CEP72: variants seen among roughly 807,000 people sequenced by gnomAD.
CEP72 encodes centrosomal protein of 72 kDa.
In CEP72, 78 loss-of-function variants were observed where a neutral mutation model predicts 65.7. The ratio of observed to expected loss-of-function variants is 1.19; its 90% CI spans 0.99 to 1.43. CEP72 has a LOEUF of 1.43. CEP72 is among the 40% of genes most tolerant of loss of function. The pLI is 0.00. For missense variants in CEP72, 914 were observed against 832.9 expected (o/e 1.10, Z -1.20); for synonymous variants, 358 against 351.7 (o/e 1.02, Z -0.20).
At chr5:646,353 C>T (rs1580010704) in intron 10 of CEP72, among the ~76,000 whole-genome samples, 1 of 152,246 alleles carries the variant, frequency 6.6e-6, no homozygotes, top group African/African-American at 2.4e-5. Flanking sequence ...TAGGGATGTT[C>T]TTGCGCCCTA....
downstream of CEP72, chr5:661,282 ACCC>A (rs1199400622): frequency 1.5e-5 from 2 of 129,998 alleles, no homozygotes; most frequent in Admixed American, 7.8e-5. Context: ...TCCTGGTGTC[ACCC>A]CCGACAGAAC....
At chr5:626,602 T>C (rs1233829975) in intron 4 of CEP72, among the ~76,000 whole-genome samples, 2 of 152,202 alleles carry the variant, frequency 1.3e-5, no homozygotes, top group East Asian at 3.9e-4. Context: ...GGAGGATTGC[T>C]TGAGGCCAAG....
chr5:649,652 CTGTGAGGTGTGCCTG>C (rs1373014079), intron 11 of CEP72, among the ~76,000 whole-genome samples: 1 of 83,948 alleles, frequency 1.2e-5, no homozygotes, highest in Admixed American at 1.4e-4. Context: ...TGAGGTGTGA[CTGTGAGGTGTGCCTG>C]TGAGGCGTGG....
intron 11 of CEP72, among the ~76,000 whole-genome samples, chr5:649,936 C>G (rs202181784): frequency 1.5e-4 from 2 of 13,374 alleles, no homozygotes; most frequent in Admixed American, 9.2e-4. Context: ...GACTGTGAGG[C>G]GTGACTGTGA....
rs984328998 is a variant in CEP72, at chr5:623,355, G to A, written c.404-1116G>A. Among the ~76,000 whole-genome samples the A allele has an allele frequency of 1.3e-5, 2 of 152,252 alleles. No homozygotes were observed. Among genetic ancestry groups the A allele is most frequent in the South Asian group, 2.1e-4 (1 of 4,834 alleles). ...GCGTGGTGCCTCCTGGAGTGGGCTCGGTCCTTGGCTCCGCGTGGGTCATGG... is the reference window on the plus strand; with the variant it reads ...GCGTGGTGCCTCCTGGAGTGGGCTCAGTCCTTGGCTCCGCGTGGGTCATGG... On this transcript the variant is annotated intron_variant, in intron 3 of 11. Coordinates refer to ENST00000264935, the MANE Select transcript of CEP72 (RefSeq NM_018140.4). The surrounding 1 kb of genome is among the most constrained non-coding windows in gnomAD (Gnocchi z 5.3).
intron 7 of CEP72, among the ~76,000 whole-genome samples, chr5:638,803 CT>C (rs756291982): frequency 6.6e-6 from 1 of 152,146 alleles, no homozygotes; most frequent in Non-Finnish European, 1.5e-5. Context: ...TTCCGCTTCC[CT>C]GTCTGGGTTG....
chr5:670,949 C>G (rs577781707), downstream of CEP72, among the ~76,000 whole-genome samples: 361 of 152,338 alleles, frequency 2.4e-3, 1 homozygote, highest in Non-Finnish European at 4.1e-3. Flanking sequence ...TTCCTGCACC[C>G]TACTTGGCTC....
At chr5:621,218 G>A (rs768838927) in intron 3 of CEP72, among the ~76,000 whole-genome samples, 4 of 152,146 alleles carry the variant, frequency 2.6e-5, no homozygotes, top group Non-Finnish European at 5.9e-5. Flanking sequence ...ACCGCTGTTC[G>A]AAAGCTGCCC....
chr5:650,321 G>A (rs1580032442), intron 11 of CEP72, among the ~76,000 whole-genome samples: 6 of 128,176 alleles, frequency 4.7e-5, no homozygotes, highest in East Asian at 2.6e-4. Context: ...ACTGTGAGGC[G>A]TGGACTGTGA....
chr5:651,953 C>A (rs572542526), intron 11 of CEP72, among the ~76,000 whole-genome samples: 15 of 152,252 alleles, frequency 9.9e-5, no homozygotes, highest in Admixed American at 7.8e-4. Context: ...AGGCTCTGCC[C>A]CTTACAGGAT....
downstream of CEP72, among the ~76,000 whole-genome samples, chr5:668,353 A>G (rs1425432023): frequency 9.1e-6 from 1 of 109,782 alleles, no homozygotes; most frequent in Non-Finnish European, 1.8e-5. Context: ...GGAAGTGCGG[A>G]CAAGCACACT....
chr5:665,615 C>T, intron 3 of CEP72, among the ~76,000 whole-genome samples: 2 of 125,790 alleles, frequency 1.6e-5, no homozygotes, highest in Admixed American at 7.9e-5. Flanking sequence ...TATGCCCCCC[C>T]AATCCATGCC....
chr5:627,327 C>T (rs745325769), intron 4 of CEP72, among the ~76,000 whole-genome samples: 1 of 152,204 alleles, frequency 6.6e-6, no homozygotes, highest in Non-Finnish European at 1.5e-5. Flanking sequence ...GTGATAACCC[C>T]TCTTTCATGT....
At chr5:616,881 T>A (rs1258190423) in intron 1 of CEP72, among the ~76,000 whole-genome samples, 1 of 150,034 alleles carries the variant, frequency 6.7e-6, no homozygotes, top group Non-Finnish European at 1.5e-5. Context: ...GTGAAGAGAG[T>A]CTGTCCTGCA....
At position 623,386 on chromosome 5, in the gene CEP72, C is replaced by T. The variant is rs533749158; in HGVS notation, c.404-1085C>T. Among the ~76,000 whole-genome samples, 98 of 152,312 alleles carry T rather than the reference C, an allele frequency of 6.4e-4. No homozygotes were observed. Among genetic ancestry groups the T allele is most frequent in the African/African-American group, 2.3e-3 (94 of 41,572 alleles). On this transcript the variant is annotated intron_variant, in intron 3 of 11. Coordinates refer to ENST00000264935, the MANE Select transcript of CEP72 (RefSeq NM_018140.4). The surrounding 1 kb of genome is among the most constrained non-coding windows in gnomAD (Gnocchi z 5.3). ...TGGCTCCGCGTGGGTCATGGAAAGG[C>T]CCCGGTGGTGGAGGAGGCAGATAGC...
At chr5:664,802 C>T (rs1282453739) in intron 2 of CEP72, 2 of 354,098 alleles carry the variant, frequency 5.6e-6, no homozygotes, top group South Asian at 4.5e-5. Flanking sequence ...GCCCCTTTGA[C>T]CTGCAAACCA....
intron 4 of CEP72, among the ~76,000 whole-genome samples, chr5:666,459 C>G (rs534295841): frequency 2.6e-5 from 4 of 152,220 alleles, no homozygotes; most frequent in African/African-American, 4.8e-5. Flanking sequence ...CCAGCTGCGC[C>G]GGGAGCTGGG....
intron 7 of CEP72, among the ~76,000 whole-genome samples, chr5:638,134 C>T (rs963887606): frequency 9.8e-5 from 15 of 152,328 alleles, no homozygotes; most frequent in Admixed American, 3.9e-4. Context: ...CTGTGCCACA[C>T]GCTGTCCTGC....
chr5:670,725 G>C (rs1230494290), downstream of CEP72, among the ~76,000 whole-genome samples: 1 of 152,190 alleles, frequency 6.6e-6, no homozygotes, highest in Non-Finnish European at 1.5e-5. Context: ...CCCCATGCCT[G>C]TTGGCCGCCC....
Sources: allele counts gnomAD v4.1 joint callset (sites outside exome capture counted in the v4.1 genomes callset), GRCh38; gene constraint gnomAD v4.1.1; non-coding constraint Gnocchi (gnomAD v3.1); transcripts MANE v1.5; gene names NCBI Gene and HGNC (gene_info 2026-07-23, HGNC 2026-07-21).